The following ARIH1 variants were observed in gnomAD, a reference collection of about 807,000 sequenced individuals.
ARIH1 encodes the protein ariadne RBR E3 ubiquitin protein ligase 1.
Under a neutral mutation model 85.0 loss-of-function variants are expected in ARIH1, and 8 were observed. The ratio of observed to expected loss-of-function variants is 0.09; its 90% CI spans 0.06 to 0.17. The LOEUF is 0.17. Ranked by LOEUF, ARIH1 falls within the 10% of genes least tolerant of loss-of-function variation. The pLI is 1.00. For synonymous variants in ARIH1, 238 were observed against 253.6 expected, an observed-to-expected ratio of 0.94 and a Z score of 0.59; for missense variants, 311 against 718.1, an observed-to-expected ratio of 0.43 and a Z score of 6.48.
intron 1 of ARIH1, among the ~76,000 whole-genome samples, chr15:72,493,360 G>C (rs4777512): frequency 0.73 from 110,830 of 152,028 alleles, 46,965 homozygotes; most frequent in Non-Finnish European, 0.93. Flanking sequence ...TTCTGCACTG[G>C]TATTTTGGAT....
rs114883014 is a variant in ARIH1, at chr15:72,516,694, G to A, written c.376-1373G>A. ...AGTGTCTGTATCTTTGGCTTTTGGAGGGGAGTATGCATGTGTGTAAATTTT... is the reference window on the plus strand; with the variant it reads ...AGTGTCTGTATCTTTGGCTTTTGGAAGGGAGTATGCATGTGTGTAAATTTT... On this transcript the variant is annotated intron_variant, in intron 1 of 13. Coordinates refer to ENST00000379887, the MANE Select transcript of ARIH1 (RefSeq NM_005744.5). Among the ~76,000 whole-genome samples, 1,163 of 152,262 alleles carry A rather than the reference G, an allele frequency of 7.6e-3. 11 individuals are homozygous for A. The highest frequency in any genetic ancestry group is 0.026 in the African/African-American group (1,076 of 41,550).
At chr15:72,570,476 A>G (rs562552532) in intron 10 of ARIH1, among the ~76,000 whole-genome samples, 169 bp downstream of exon 10, 65 of 152,254 alleles carry the variant, frequency 4.3e-4, no homozygotes, top group Non-Finnish European at 7.9e-4. Flanking sequence ...TTAGTTAGAT[A>G]TATTTCATAA....
chr15:72,543,306 G>A (rs1438553531), intron 2 of ARIH1, among the ~76,000 whole-genome samples: 1 of 151,948 alleles, frequency 6.6e-6, no homozygotes, highest in Non-Finnish European at 1.5e-5. Flanking sequence ...GCAGGGAGCC[G>A]AGATGGCGCC....
rs2064379215 is a variant in ARIH1, at chr15:72,600,610, TG to T, written c.*17321del. ...GTTGCTCAGGCTGGTATTGAACTCCTGGGCTCAAGCAATCCTCCTGCCTCAG... is the reference window on the plus strand; with the variant it reads ...GTTGCTCAGGCTGGTATTGAACTCCTGGCTCAAGCAATCCTCCTGCCTCAG... On this transcript the variant is annotated 3_prime_UTR_variant, in exon 14 of 14. Transcript: ENST00000379887. 3 of 152,238 alleles carry T rather than the reference TG, an allele frequency of 2.0e-5. No individual in the cohort carries two copies. The highest frequency in any genetic ancestry group is 2.0e-4 in the Admixed American group (3 of 15,284). The allele number at this position is 152,238 out of a possible 1,614,324, so 9.4% of individuals were successfully genotyped here.
chr15:72,590,053 C>G lies in ARIH1; in HGVS notation c.*6761C>G, dbSNP rs1248795313. 3 of 152,164 alleles carry G rather than the reference C, an allele frequency of 2.0e-5. No individual in the cohort carries two copies. The East Asian group carries it at 5.8e-4, about 29-fold the overall frequency. The allele number at this position is 152,164 out of a possible 1,614,324, so 9.4% of individuals were successfully genotyped here. A position where few individuals can be genotyped will look rare whatever the true frequency, so the allele number is the denominator to read the frequency against. On this transcript the variant is annotated 3_prime_UTR_variant, in exon 14 of 14. Transcript: ENST00000379887. Reference sequence around the variant, plus strand: ...AATGGGTAGTTTCCTTGAGGTCATCCTGTTAGTAAGTGGTGGAATGAAGTT... The same window carrying G: ...AATGGGTAGTTTCCTTGAGGTCATCGTGTTAGTAAGTGGTGGAATGAAGTT...
intron 1 of ARIH1, among the ~76,000 whole-genome samples, chr15:72,508,821 G>A (rs1453378112): frequency 6.6e-6 from 1 of 151,654 alleles, no homozygotes; most frequent in Non-Finnish European, 1.5e-5. Flanking sequence ...AGACTCCCGA[G>A]TAGCTGGGAC....
rs901289485 is a variant in ARIH1, at chr15:72,583,599, T to A, written c.*307T>A. On this transcript the variant is annotated 3_prime_UTR_variant, in exon 14 of 14. Coordinates refer to ENST00000379887, the MANE Select transcript of ARIH1 (RefSeq NM_005744.5). ...GACTCCTTTTTTTTCTTTTTCCTTTTCCTGAGTGTAGTACAGTTAAAATTT... is the reference window on the plus strand; with the variant it reads ...GACTCCTTTTTTTTCTTTTTCCTTTACCTGAGTGTAGTACAGTTAAAATTT... 1 of 264,238 alleles carries A rather than the reference T, an allele frequency of 3.8e-6. No individual in the cohort carries two copies. Among genetic ancestry groups the A allele is most frequent in the South Asian group, 8.8e-5 (1 of 11,336 alleles). The allele number at this position is 264,238 out of a possible 1,614,324, so 16.4% of individuals were successfully genotyped here.
intron 2 of ARIH1, among the ~76,000 whole-genome samples, chr15:72,538,831 A>G (rs1485652594): frequency 1.3e-5 from 2 of 152,228 alleles, no homozygotes; most frequent in Non-Finnish European, 2.9e-5. Flanking sequence ...GAGAATTTAC[A>G]ATCTACTGAG....
chr15:72,490,242 CAAAA>C (rs35694095), intron 1 of ARIH1, among the ~76,000 whole-genome samples: 2 of 117,126 alleles, frequency 1.7e-5, no homozygotes, highest in East Asian at 5.0e-4. Context: ...GTCTCCTTCT[CAAAA>C]AAAAAAAAAA....
intron 11 of ARIH1, among the ~76,000 whole-genome samples, chr15:72,578,941 C>T (rs774110547): frequency 1.3e-4 from 19 of 151,630 alleles, no homozygotes; most frequent in East Asian, 1.9e-4. Context: ...CATGCCACCA[C>T]GCCCAGCTAA....
intron 1 of ARIH1, among the ~76,000 whole-genome samples, chr15:72,500,289 T>G (rs1479082502): frequency 3.3e-5 from 5 of 152,144 alleles, no homozygotes; most frequent in African/African-American, 9.7e-5. Context: ...GAGACGGGGT[T>G]TCACTGTGTT....
intron 7 of ARIH1, 101 bp downstream of exon 7, chr15:72,563,601 G>A: frequency 1.0e-6 from 1 of 953,668 alleles, no homozygotes; most frequent in Non-Finnish European, 1.6e-6. Flanking sequence ...GTTTACCTTA[G>A]GCAGGGAGAT....
intron 2 of ARIH1, among the ~76,000 whole-genome samples, chr15:72,539,782 C>T (rs529932176): frequency 1.3e-5 from 2 of 152,130 alleles, no homozygotes; most frequent in African/African-American, 4.8e-5. Flanking sequence ...CAGACTTCCT[C>T]AGTAACAACA....
intron 3 of ARIH1, among the ~76,000 whole-genome samples, chr15:72,550,902 C>T (rs2064150317): frequency 6.6e-6 from 1 of 152,084 alleles, no homozygotes; most frequent in South Asian, 2.1e-4. Flanking sequence ...GAACTCCCGA[C>T]CTCAGGTGAT....
At chr15:72,492,161 A>G (rs911126890) in intron 1 of ARIH1, among the ~76,000 whole-genome samples, 2 of 152,188 alleles carry the variant, frequency 1.3e-5, no homozygotes, top group African/African-American at 4.8e-5. Context: ...TTTCTACTCT[A>G]AGCATTTAAA....
intron 2 of ARIH1, among the ~76,000 whole-genome samples, chr15:72,544,538 A>G (rs2064120614): frequency 6.6e-6 from 1 of 151,864 alleles, no homozygotes; most frequent in Non-Finnish European, 1.5e-5. Flanking sequence ...AACTCAGTCT[A>G]CTAGTTTACA....
chr15:72,591,351 A>G lies in ARIH1; in HGVS notation c.*8059A>G, dbSNP rs2064342994. On this transcript the variant is annotated 3_prime_UTR_variant, in exon 14 of 14. Coordinates refer to ENST00000379887, the MANE Select transcript of ARIH1 (RefSeq NM_005744.5). The stretch of plus-strand genomic sequence containing the variant: ...TATAGATTTTGGATTTCCTTCTGAT[A>G]GCTAAAATTTGTTTCTGTATAACAG... 1 of 152,010 alleles carries G rather than the reference A, an allele frequency of 6.6e-6. No homozygotes were observed. The highest frequency in any genetic ancestry group is 2.4e-5 in the African/African-American group (1 of 41,380). 9.4% of individuals were successfully genotyped at this position (152,010 alleles called of 1,614,324 possible).
In ARIH1 at chr15:72,495,822, T is replaced by A. The variant is rs74247002; in HGVS notation, c.375+20808T>A. Among the ~76,000 whole-genome samples the A allele has an allele frequency of 1.1e-4, 16 of 152,330 alleles. No individual in the cohort carries two copies. In the East Asian group the frequency reaches 3.1e-3, roughly 29 times the overall value. On this transcript the variant is annotated intron_variant, in intron 1 of 13. Coordinates refer to ENST00000379887, the MANE Select transcript of ARIH1 (RefSeq NM_005744.5). ...GACATTGTTTTAAGGTTTGTTTTTT[T>A]AAAATAGCTTTTAGAAGCTTATTGA...
At chr15:72,476,940 T>C (rs1163694215) in intron 1 of ARIH1, among the ~76,000 whole-genome samples, 1 of 152,236 alleles carries the variant, frequency 6.6e-6, no homozygotes, top group Admixed American at 6.5e-5. Context: ...AACTAATTTA[T>C]TTAATCAATC....
Sources: gnomAD v4.1 joint callset for allele counts (sites outside exome capture counted in the v4.1 genomes callset) on GRCh38, gnomAD v4.1.1 for gene constraint, MANE v1.5 for transcripts, NCBI Gene and HGNC (gene_info 2026-07-23, HGNC 2026-07-21) for gene names.